The following KIF21A variants were observed in gnomAD, a reference collection of about 807,000 sequenced individuals.
The protein encoded by KIF21A is kinesin family member 21A, also known as kinesin-like protein KIF21A.
Under a neutral mutation model 202.9 loss-of-function variants are expected in KIF21A, and 114 were observed. The ratio of observed to expected loss-of-function variants is 0.56; its 90% CI spans 0.48 to 0.66. KIF21A has a LOEUF of 0.66. Among genes scored for constraint, KIF21A ranks in the 30% least tolerant of loss-of-function variants. KIF21A has a pLI of 0.00. For synonymous variants in KIF21A, 667 were observed against 670.8 expected, an observed-to-expected ratio of 0.99 and a Z score of 0.09; for missense variants, 1,677 against 1,994.9, an observed-to-expected ratio of 0.84 and a Z score of 3.04.
At chr12:39,406,004 C>T (rs1291105945) in intron 1 of KIF21A, among the ~76,000 whole-genome samples, 1 of 152,084 alleles carries the variant, frequency 6.6e-6, no homozygotes, top group Admixed American at 6.5e-5. Context: ...TTGCAGATTT[C>T]CTTTCTTCCC....
chr12:39,408,459 G>T (rs1952791152), intron 1 of KIF21A, among the ~76,000 whole-genome samples: 1 of 152,110 alleles, frequency 6.6e-6, no homozygotes, highest in Non-Finnish European at 1.5e-5. Flanking sequence ...GCAGGCCACA[G>T]ACTGTTACCA....
At chr12:39,400,682 A>T (rs1195337582) in intron 1 of KIF21A, among the ~76,000 whole-genome samples, 1 of 152,214 alleles carries the variant, frequency 6.6e-6, no homozygotes, top group African/African-American at 2.4e-5. Flanking sequence ...AACTGCTGCT[A>T]CTTGCTTGCT....
intron 16 of KIF21A, among the ~76,000 whole-genome samples, chr12:39,339,854 A>G (rs1374517040): frequency 6.6e-6 from 1 of 152,208 alleles, no homozygotes; most frequent in Non-Finnish European, 1.5e-5. Context: ...GTTTGTTATT[A>G]TGTATGCTTT....
chr12:39,328,675 A>G (rs1946202276), intron 24 of KIF21A, among the ~76,000 whole-genome samples: 1 of 152,138 alleles, frequency 6.6e-6, no homozygotes, highest in African/African-American at 2.4e-5. Context: ...ATTCCATGTC[A>G]TGAACTTGCT....
chr12:39,318,282 T>A lies in KIF21A; in HGVS notation c.3780-81A>T, dbSNP rs570175653. ...AAAAGTTATAAGAAACATGCTCTTT[T>A]AAAAAAAAGCTTTTTATTAGAGAAC... On this transcript the variant is annotated intron_variant, in intron 28 of 37. Transcript: ENST00000361418. 5.4e-4 allele frequency: 751 copies of A among 1,378,794 alleles called. 4 individuals are homozygous for A. The African/African-American group carries it at 8.3e-3, about 15-fold the overall frequency. 85.4% of individuals were successfully genotyped at this position (1,378,794 alleles called of 1,614,324 possible).
At chr12:39,302,938 C>T (rs1259882102) in intron 36 of KIF21A, 27 bp downstream of exon 36, 2 of 1,602,714 alleles carry the variant, frequency 1.2e-6, no homozygotes, top group Non-Finnish European at 1.7e-6. Flanking sequence ...AATGCCCACT[C>T]TATACCATGA....
At chr12:39,301,449 A>T in intron 37 of KIF21A, 31 bp downstream of exon 37, 1 of 1,540,988 alleles carries the variant, frequency 6.5e-7, no homozygotes, top group Non-Finnish European at 9.0e-7. Context: ...GAAGCAACCA[A>T]TATAGAGAAA....
intron 34 of KIF21A, among the ~76,000 whole-genome samples, chr12:39,306,546 G>A (rs1302462326): frequency 5.9e-5 from 9 of 152,020 alleles, no homozygotes; most frequent in Non-Finnish European, 1.2e-4. Flanking sequence ...TGCTTTAAAT[G>A]TTATAAATTA....
At chr12:39,415,710 C>T (rs1222954091) in intron 1 of KIF21A, among the ~76,000 whole-genome samples, 1 of 152,186 alleles carries the variant, frequency 6.6e-6, no homozygotes, top group Non-Finnish European at 1.5e-5. Context: ...TCAAGCTTCA[C>T]ATATCAGCTT....
chr12:39,408,340 C>CATTA (rs1390935743), intron 1 of KIF21A, among the ~76,000 whole-genome samples: 1 of 152,006 alleles, frequency 6.6e-6, no homozygotes, highest in African/African-American at 2.4e-5. Context: ...TTAATGCCAC[C>CATTA]ACTGATCTGA....
At chr12:39,432,444 T>C (rs766018769) in intron 1 of KIF21A, among the ~76,000 whole-genome samples, 69 of 152,102 alleles carry the variant, frequency 4.5e-4, no homozygotes, top group South Asian at 1.7e-3. Context: ...GACAGCATAG[T>C]TCCTATAAAA....
Position 39,369,807 on chromosome 12 carries a change from A to T in KIF21A, c.372T>A (p.Ser124Arg), listed in dbSNP as rs772743219. 1.2e-6 allele frequency: 2 copies of T among 1,612,522 alleles called. No homozygotes were observed. The highest frequency in any genetic ancestry group is 1.1e-5 in the South Asian group (1 of 90,958). Residue 124 changes from serine to arginine, a missense_variant, in exon 3 of 38, where the codon AGT (serine) becomes AGA (arginine). Ser to Arg is a moderately radical substitution (Grantham distance 110, BLOSUM62 -1). Transcript: ENST00000361418. The stretch of plus-strand genomic sequence containing the variant: ...TTGCTATGTGTTTTTTTTCTTCAAT[A>T]CTCTTAAAAAGGTGTTTAACAGCTC... ...ISRAVKHLFK[S>R]IEEKKHIAIK...
chr12:39,329,444 A>G (rs545844415), intron 24 of KIF21A, among the ~76,000 whole-genome samples: 47 of 152,180 alleles, frequency 3.1e-4, no homozygotes, highest in Admixed American at 7.2e-4. Context: ...GAGAAGGAGG[A>G]GGAGAACAAG....
At chr12:39,311,681 A>G in intron 31 of KIF21A, 128 bp from the exon 32 acceptor site, 1 of 890,476 alleles carries the variant, frequency 1.1e-6, no homozygotes, top group Non-Finnish European at 1.8e-6. Flanking sequence ...TAAAATCCAG[A>G]CTGCTCTCTT....
chr12:39,430,154 A>G (rs2140338893), intron 1 of KIF21A, among the ~76,000 whole-genome samples: 1 of 151,996 alleles, frequency 6.6e-6, no homozygotes, highest in East Asian at 1.9e-4. Flanking sequence ...GTTTCAGACC[A>G]GCCTGGTCAA....
At chr12:39,370,389 G>C (rs1949873397) in intron 1 of KIF21A, 128 bp from the exon 2 acceptor site, 3 of 674,726 alleles carry the variant, frequency 4.4e-6, no homozygotes. Flanking sequence ...TGCTTATTCA[G>C]TTGAAAAGTT....
intron 32 of KIF21A, among the ~76,000 whole-genome samples, chr12:39,309,999 G>C (rs1184755341): frequency 6.6e-6 from 1 of 151,998 alleles, no homozygotes; most frequent in Admixed American, 6.6e-5. Flanking sequence ...GTATCATGTG[G>C]TATTGAAAAA....
At chr12:39,394,627 T>C (rs1420799455) in intron 1 of KIF21A, among the ~76,000 whole-genome samples, 4 of 152,104 alleles carry the variant, frequency 2.6e-5, no homozygotes, top group Non-Finnish European at 4.4e-5. Context: ...CATGATAATG[T>C]CACAAGAATA....
intron 1 of KIF21A, among the ~76,000 whole-genome samples, chr12:39,411,193 T>G (rs1751603430): frequency 6.6e-6 from 1 of 152,358 alleles, no homozygotes; most frequent in African/African-American, 2.4e-5. Context: ...TCCTAAAGTC[T>G]TATTTAATAT....
Sources: allele counts gnomAD v4.1 joint callset (sites outside exome capture counted in the v4.1 genomes callset), GRCh38; gene constraint gnomAD v4.1.1; transcripts MANE v1.5; gene names NCBI Gene and HGNC (gene_info 2026-07-23, HGNC 2026-07-21).